The following GEN1 variants were observed in gnomAD, a reference collection of about 807,000 sequenced individuals.
The protein encoded by GEN1 is GEN1 structure-specific endonuclease.
Under a neutral mutation model 67.6 loss-of-function variants are expected in GEN1, and 64 were observed. The ratio of observed to expected loss-of-function variants is 0.95; its 90% confidence interval spans 0.77 to 1.17. GEN1 has a LOEUF of 1.17. Among genes scored for constraint, GEN1 ranks in the 50% most tolerant of loss-of-function variants. The pLI, the probability that GEN1 is intolerant of heterozygous loss-of-function variation, is 0.00. For missense variants in GEN1, 1,058 were observed against 1,048.3 expected, an observed-to-expected ratio of 1.01 and a Z score of -0.13; for synonymous variants, 371 against 359.4, an observed-to-expected ratio of 1.03 and a Z score of -0.37.
At chr2:17,780,173 A>C in intron 13 of GEN1, 52 bp downstream of exon 13, 1 of 1,432,938 alleles carries the variant, frequency 7.0e-7, no homozygotes, top group Non-Finnish European at 9.7e-7. Flanking sequence ...GTTATAGAAG[A>C]GCCACCTCTT....
intron 3 of GEN1, among the ~76,000 whole-genome samples, chr2:17,762,450 G>A (rs1435510490): frequency 6.6e-6 from 1 of 151,724 alleles, no homozygotes; most frequent in Non-Finnish European, 1.5e-5. Context: ...TTCGTGATCC[G>A]CCTGCCTCGG....
In GEN1 at chr2:17,780,661, A is replaced by C; in HGVS notation, c.1449A>C (p.Glu483Asp). The change falls in exon 14 of 14, where the codon GAA becomes GAC. Residue 483 changes from glutamate (E) to aspartate (D), a missense_variant. Glu to Asp is a conservative substitution (Grantham distance 45). Coordinates refer to ENST00000381254, the MANE Select transcript of GEN1 (RefSeq NM_001130009.3). ...AAAACAATTTGCCAGAACCAGATGAAGTAATGAGCTTTCAGTCACACATGA... is the reference window on the plus strand; with the variant it reads ...AAAACAATTTGCCAGAACCAGATGACGTAATGAGCTTTCAGTCACACATGA... ...PKENNLPEPD[E>D]VMSFQSHMTL... 6.2e-7 allele frequency: 1 copy of C among 1,605,316 alleles called. No homozygotes were observed.
rs1049507875 is a variant in GEN1, at chr2:17,771,348, A to T, written c.802+61A>T. ...TACCCATGTTTTAATTCTTGTTCAC[A>T]TAGTACTTTTTACATGCCAATATTA... is the stretch of plus-strand genomic sequence containing the variant. On this transcript the variant is annotated intron_variant, in intron 7 of 13. Coordinates refer to ENST00000381254, the MANE Select transcript of GEN1 (RefSeq NM_001130009.3). 11 of 997,310 alleles carry T rather than the reference A, an allele frequency of 1.1e-5. No homozygotes were observed. In the Admixed American group the frequency reaches 1.5e-4, roughly 14 times the overall value. 61.8% of individuals were successfully genotyped at this position (997,310 alleles called of 1,614,324 possible).
At position 17,788,582 on chromosome 2, in the gene GEN1, T is replaced by G. The variant is rs1005746912; in HGVS notation, c.*6643T>G. The G allele has an allele frequency of 6.6e-6, 1 of 152,240 alleles. No individual in the cohort carries two copies. Among genetic ancestry groups the G allele is most frequent in the African/African-American group, 2.4e-5 (1 of 41,468 alleles). 9.4% of individuals were successfully genotyped at this position (152,240 alleles called of 1,614,324 possible). A position where few individuals can be genotyped will look rare whatever the true frequency, so the allele number is the denominator to read the frequency against. ...TGTCTGAGCTTCCTTAGCATTATTC[T>G]ATTCCAAGACCCAAAAAGGAAAATA... On this transcript the variant is annotated 3_prime_UTR_variant, in exon 14 of 14. Coordinates refer to ENST00000381254, the MANE Select transcript of GEN1 (RefSeq NM_001130009.3).
chr2:17,777,832 T>G lies in GEN1; in HGVS notation c.1203-170T>G, dbSNP rs2615049. Among the ~76,000 whole-genome samples the G allele has an allele frequency of 0.47, 71,143 of 151,704 alleles. 19,012 individuals are homozygous for G. The highest frequency in any genetic ancestry group is 0.92 in the East Asian group (4,747 of 5,168). ...GAAGAACTAACAGTAATAAACTCTA[T>G]GTACCTAACAATATTATCTTTTGAA... is the stretch of plus-strand genomic sequence containing the variant. On this transcript the variant is annotated intron_variant, in intron 11 of 13. Coordinates refer to ENST00000381254, the MANE Select transcript of GEN1 (RefSeq NM_001130009.3).
At chr2:17,779,365 C>A (rs993878872) in intron 12 of GEN1, among the ~76,000 whole-genome samples, 3 of 152,212 alleles carry the variant, frequency 2.0e-5, no homozygotes, top group Non-Finnish European at 4.4e-5. Context: ...AACCAACCAA[C>A]CTTACCTAAA....
At chr2:17,775,408 A>G (rs1028385367) in intron 11 of GEN1, among the ~76,000 whole-genome samples, 1 of 152,220 alleles carries the variant, frequency 6.6e-6, no homozygotes, top group East Asian at 1.9e-4. Flanking sequence ...ATTAGTTCCT[A>G]GAAGCTAATA....
chr2:17,760,470 C>A (rs1671622442), intron 2 of GEN1, among the ~76,000 whole-genome samples: 1 of 152,178 alleles, frequency 6.6e-6, no homozygotes, highest in African/African-American at 2.4e-5. Flanking sequence ...AAACTTATCT[C>A]AGTGTCCAGA....
chr2:17,782,104 A>C lies in GEN1; in HGVS notation c.*165A>C, dbSNP rs956545983. 2.1e-6 allele frequency: 1 copy of C among 484,568 alleles called. No homozygotes were observed. Among genetic ancestry groups the C allele is most frequent in the South Asian group, 4.0e-5 (1 of 24,872 alleles). The allele number at this position is 484,568 out of a possible 1,614,324, so 30.0% of individuals were successfully genotyped here. A position where few individuals can be genotyped will look rare whatever the true frequency, so the allele number is the denominator to read the frequency against. ...TGTAATTTTTAAAAAGTCACCTAAA[A>C]CTCTGGTTTTAAAAGATCCTCTGTA... On this transcript the variant is annotated 3_prime_UTR_variant, in exon 14 of 14. Coordinates refer to ENST00000381254, the MANE Select transcript of GEN1 (RefSeq NM_001130009.3).
At chr2:17,761,082 A>G (rs569836502) in intron 2 of GEN1, among the ~76,000 whole-genome samples, 1 of 151,966 alleles carries the variant, frequency 6.6e-6, no homozygotes, top group Admixed American at 6.6e-5. Context: ...AATACAGAAA[A>G]TTAGCCGGGC....
In GEN1 at chr2:17,772,788, A is replaced by G. The variant is rs869312794; in HGVS notation, c.953+4A>G. The G allele has an allele frequency of 1.2e-6, 2 of 1,601,158 alleles. No homozygotes were observed. The highest frequency in any genetic ancestry group is 1.7e-6 in the Non-Finnish European group (2 of 1,173,652). On this transcript the variant is annotated splice_donor_region_variant and intron_variant, in intron 8 of 13. Transcript: ENST00000381254. ...AAGTAGAGAACAATATTAAGAAGTA[A>G]GTTTTTTTAAAAACTCATGATTTTT...
At chr2:17,772,530 G>A in intron 7 of GEN1, 104 bp from the exon 8 acceptor site, 4 of 862,708 alleles carry the variant, frequency 4.6e-6, no homozygotes, top group Non-Finnish European at 7.2e-6. Context: ...TAGTGTGCTA[G>A]GCAATATTAA....
chr2:17,781,400 A>T lies in GEN1; in HGVS notation c.2188A>T (p.Asn730Tyr). 2.5e-6 allele frequency: 4 copies of T among 1,613,824 alleles called. No individual in the cohort carries two copies. Among genetic ancestry groups the T allele is most frequent in the Non-Finnish European group, 3.4e-6 (4 of 1,179,928 alleles). ...GGATCTTCCAGGAATTCCCTTGCAA[A>T]ATGAATCCAGAGACTCTAAAATTCT... ...SKDLPGIPLQ[N>Y]ESRDSKILKG... Residue 730 changes from asparagine (N) to tyrosine (Y), a missense_variant, in exon 14 of 14, where the codon AAT (asparagine) becomes TAT (tyrosine). Asn to Tyr is a moderately radical substitution (Grantham distance 143). Coordinates refer to ENST00000381254, the MANE Select transcript of GEN1 (RefSeq NM_001130009.3).
chr2:17,783,613 G>A lies in GEN1; in HGVS notation c.*1674G>A, dbSNP rs1283691371. 6.6e-6 allele frequency: 1 copy of A among 152,202 alleles called. No homozygotes were observed. Among genetic ancestry groups the A allele is most frequent in the Non-Finnish European group, 1.5e-5 (1 of 68,032 alleles). The allele number at this position is 152,202 out of a possible 1,614,324, so 9.4% of individuals were successfully genotyped here. ...AGTATACAGAACTACAGTAATGAAT[G>A]TGTTGTACTGGTATAAAGGTAGACA... On this transcript the variant is annotated 3_prime_UTR_variant, in exon 14 of 14. Transcript: ENST00000381254.
chr2:17,766,474 A>T, intron 4 of GEN1, 105 bp from the exon 5 acceptor site: 1 of 666,404 alleles, frequency 1.5e-6, no homozygotes, highest in Non-Finnish European at 2.6e-6. Flanking sequence ...CCAGCCTGGA[A>T]TAATTAAACA....
intron 6 of GEN1, among the ~76,000 whole-genome samples, chr2:17,769,474 AG>A: frequency 6.6e-6 from 1 of 152,200 alleles, no homozygotes; most frequent in South Asian, 2.1e-4. Context: ...TTTTGCCACT[AG>A]CTATTTTAAA....
chr2:17,776,136 AG>A (rs1490367197), intron 11 of GEN1, among the ~76,000 whole-genome samples: 196 of 145,098 alleles, frequency 1.4e-3, no homozygotes, highest in African/African-American at 4.6e-3. Context: ...AAAAAAAAAA[AG>A]GAAAGTTTAA....
rs1672957017 is a variant in GEN1 at position 17,783,861 on chromosome 2, A to C, written c.*1922A>C. On this transcript the variant is annotated 3_prime_UTR_variant, in exon 14 of 14. Transcript: ENST00000381254. ...TTTAAGAAGTAACTTAAGATGGATC[A>C]AATACCTAAATGTAAGCTAAAGCTA... 1 of 152,230 alleles carries C rather than the reference A, an allele frequency of 6.6e-6. No individual in the cohort carries two copies. The highest frequency in any genetic ancestry group is 6.5e-5 in the Admixed American group (1 of 15,284). The allele number at this position is 152,230 out of a possible 1,614,324, so 9.4% of individuals were successfully genotyped here.
intron 6 of GEN1, among the ~76,000 whole-genome samples, chr2:17,769,476 CTAT>C: frequency 6.6e-6 from 1 of 152,086 alleles, no homozygotes; most frequent in South Asian, 2.1e-4. Flanking sequence ...TTGCCACTAG[CTAT>C]TTTAAACCCT....
Sources: gnomAD v4.1 joint callset for allele counts (sites outside exome capture counted in the v4.1 genomes callset) on GRCh38, gnomAD v4.1.1 for gene constraint, MANE v1.5 for transcripts, NCBI Gene and HGNC (gene_info 2026-07-23, HGNC 2026-07-21) for gene names.